Variants in PPARD observed in about 807,000 individuals in gnomAD.
The protein encoded by PPARD is peroxisome proliferator activated receptor delta.
Under a neutral mutation model 39.5 loss-of-function variants are expected in PPARD, and 6 were observed. The observed-to-expected ratio is 0.15, with a 90% CI of 0.08 to 0.30. The LOEUF is 0.30. Ranked by LOEUF, PPARD falls within the 10% of genes least tolerant of loss-of-function variation. The pLI is 1.00. For synonymous variants in PPARD, 210 were observed against 231.3 expected (o/e 0.91, Z 0.83); for missense variants, 397 against 596.8 (o/e 0.67, Z 3.49).
intron 2 of PPARD, among the ~76,000 whole-genome samples, chr6:35,347,351 G>GT (rs1760925035): frequency 6.6e-6 from 1 of 152,158 alleles, no homozygotes; most frequent in Admixed American, 6.6e-5. Flanking sequence ...GGCTTACATA[G>GT]TTTTTTCAGG....
chr6:35,397,380 A>T (rs1764403633), intron 2 of PPARD: 2 of 241,204 alleles, frequency 8.3e-6, no homozygotes, highest in African/African-American at 4.7e-5. Context: ...CCCCAACGTC[A>T]CTTGGCAGAT....
intron 2 of PPARD, among the ~76,000 whole-genome samples, chr6:35,351,341 A>G (rs994911833): frequency 2.0e-5 from 3 of 152,122 alleles, no homozygotes; most frequent in Non-Finnish European, 2.9e-5. Context: ...ATTCTTAAAA[A>G]TTATTGAAGA....
chr6:35,345,312 G>GT (rs1011906522), intron 1 of PPARD, among the ~76,000 whole-genome samples: 9 of 152,214 alleles, frequency 5.9e-5, no homozygotes, highest in Middle Eastern at 6.8e-3. Context: ...CTGACACAAG[G>GT]TTTTGTTCTA....
intron 2 of PPARD, among the ~76,000 whole-genome samples, chr6:35,359,683 C>T (rs1269689975): frequency 6.6e-6 from 1 of 152,174 alleles, no homozygotes; most frequent in Non-Finnish European, 1.5e-5. Flanking sequence ...ATGGCTGAGC[C>T]GGTAGATAAC....
intron 3 of PPARD, among the ~76,000 whole-genome samples, chr6:35,415,803 T>TGTGTGTGTGTGTG (rs1562219892): frequency 6.6e-6 from 1 of 151,406 alleles, no homozygotes; most frequent in African/African-American, 2.4e-5. Flanking sequence ...TGTGTGTGTG[T>TGTGTGTGTGTGTG]TGAAAGAAAG....
chr6:35,412,669 G>A lies in PPARD; in HGVS notation c.130+1452G>A, dbSNP rs1388619195. ...CAGTGTATAGAGTTGGGTGGAGGGA[G>A]TATAGAGCCATCATTCAGTCCTTCT... On this transcript the variant is annotated intron_variant, in intron 3 of 7. Coordinates refer to ENST00000360694, the MANE Select transcript of PPARD (RefSeq NM_006238.5). The surrounding 1 kb of genome is among the most constrained non-coding windows in gnomAD (Gnocchi z 4.1). 6.6e-6 allele frequency among the ~76,000 whole-genome samples: 1 copy of A among 152,204 alleles called. No individual in the cohort carries two copies. Among genetic ancestry groups the A allele is most frequent in the Non-Finnish European group, 1.5e-5 (1 of 68,028 alleles).
At chr6:35,364,578 T>G (rs1762089478) in intron 2 of PPARD, among the ~76,000 whole-genome samples, 1 of 150,822 alleles carries the variant, frequency 6.6e-6, no homozygotes. Context: ...GGATTACAGG[T>G]GCATGCCACC....
rs1179666650 is a variant in PPARD at position 35,411,132 on chromosome 6, G to A, written c.45G>A (p.Glu15=). The change falls in exon 3 of 8, where the codon GAG becomes GAA. Residue 15 remains glutamate, a synonymous_variant. Transcript: ENST00000360694. ...QEEAPEVREE[E]EKEEVAEAEG... ...AAGCCCCTGAGGTCCGGGAAGAGGA[G>A]GAGAAAGAGGAAGTGGCAGAGGCAG... is the stretch of plus-strand genomic sequence containing the variant. The A allele has an allele frequency of 2.5e-6, 4 of 1,588,462 alleles. No individual in the cohort carries two copies. Among genetic ancestry groups the A allele is most frequent in the East Asian group, 2.3e-5 (1 of 42,590 alleles).
chr6:35,356,111 T>A lies in PPARD; in HGVS notation c.-102+8961T>A, dbSNP rs184579689. On this transcript the variant is annotated intron_variant, in intron 2 of 7. Coordinates refer to ENST00000360694, the MANE Select transcript of PPARD (RefSeq NM_006238.5). ...AAAGAGTTCTCTTGTAGGAGGATGC[T>A]GAAGGGAGGTTGCCAAGTGGTGTGG... Among the ~76,000 whole-genome samples, 22 of 152,232 alleles carry A rather than the reference T, an allele frequency of 1.4e-4. No individual in the cohort carries two copies. In the East Asian group the frequency reaches 4.3e-3, roughly 29 times the overall value.
chr6:35,358,492 CTG>C (rs2150478970), intron 2 of PPARD, among the ~76,000 whole-genome samples: 1 of 152,342 alleles, frequency 6.6e-6, no homozygotes. Flanking sequence ...CAGGGCTCAT[CTG>C]CCTCCAGGTA....
chr6:35,370,708 A>G (rs1762440273), intron 2 of PPARD, among the ~76,000 whole-genome samples: 1 of 152,226 alleles, frequency 6.6e-6, no homozygotes, highest in South Asian at 2.1e-4. Flanking sequence ...CCCAGGTCAC[A>G]GCAGCAGCCT....
intron 2 of PPARD, among the ~76,000 whole-genome samples, chr6:35,400,132 A>G (rs1040436): frequency 0.66 from 99,677 of 152,074 alleles, 35,075 homozygotes; most frequent in South Asian, 0.79. Flanking sequence ...AAGGTTGAGA[A>G]GTCTCTCTGC....
chr6:35,364,716 T>C (rs1015063470), intron 2 of PPARD, among the ~76,000 whole-genome samples: 1 of 148,524 alleles, frequency 6.7e-6, no homozygotes, highest in Non-Finnish European at 1.5e-5. Flanking sequence ...ACTCTTTGTT[T>C]TTTGTTTGTT....
chr6:35,384,911 G>C (rs1363431124), intron 2 of PPARD, among the ~76,000 whole-genome samples: 1 of 131,684 alleles, frequency 7.6e-6, no homozygotes, highest in African/African-American at 3.3e-5. Flanking sequence ...GCCCCTACTG[G>C]GAAGTGAGGA....
intron 4 of PPARD, among the ~76,000 whole-genome samples, chr6:35,420,607 T>C (rs9658151): frequency 0.071 from 10,844 of 152,250 alleles, 794 homozygotes; most frequent in African/African-American, 0.18. Context: ...CTGGGTTTCT[T>C]GTTTCTCAAG....
Position 35,347,364 on chromosome 6 carries a change from C to T in PPARD, c.-102+214C>T, listed in dbSNP as rs17847863. 9.0e-4 allele frequency among the ~76,000 whole-genome samples: 137 copies of T among 152,248 alleles called. No homozygotes were observed. The East Asian group carries it at 0.015, about 16-fold the overall frequency. On this transcript the variant is annotated intron_variant, in intron 2 of 7. Transcript: ENST00000360694. ...ATGGCTTACATAGTTTTTTCAGGAG[C>T]ATGGAGATTCCCACCTTTGCGCCCA...
chr6:35,386,748 A>G (rs1238763254), intron 2 of PPARD, among the ~76,000 whole-genome samples: 1 of 152,088 alleles, frequency 6.6e-6, no homozygotes, highest in Admixed American at 6.5e-5. Flanking sequence ...GCTGCTCTAT[A>G]GATGTGAGAG....
At chr6:35,364,767 T>C (rs1762107053) in intron 2 of PPARD, among the ~76,000 whole-genome samples, 1 of 151,784 alleles carries the variant, frequency 6.6e-6, no homozygotes, top group South Asian at 2.1e-4. Context: ...TGGAGTGCAG[T>C]GGCGCGATTT....
intron 2 of PPARD, among the ~76,000 whole-genome samples, chr6:35,364,506 T>C (rs1240570254): frequency 1.3e-5 from 2 of 150,702 alleles, no homozygotes; most frequent in Admixed American, 1.3e-4. Context: ...CGATCTTGGC[T>C]CACTGCAACC....
Sources: allele counts gnomAD v4.1 joint callset (sites outside exome capture counted in the v4.1 genomes callset), GRCh38; gene constraint gnomAD v4.1.1; non-coding constraint Gnocchi (gnomAD v3.1); transcripts MANE v1.5; gene names NCBI Gene and HGNC (gene_info 2026-07-23, HGNC 2026-07-21).